The following CACNA1S variants were observed in gnomAD, a reference collection of about 807,000 sequenced individuals.
The protein encoded by CACNA1S is voltage-dependent L-type calcium channel subunit alpha-1S.
CACNA1S carries 126 observed loss-of-function variants against 207.4 expected under a neutral mutation model. The observed-to-expected ratio is 0.61, with a 90% confidence interval of 0.53 to 0.70. The LOEUF (loss-of-function observed/expected upper bound fraction) is 0.70. CACNA1S is among the 30% of genes least tolerant of loss of function. CACNA1S has a pLI of 0.00. For synonymous variants in CACNA1S, 960 were observed against 932.7 expected (o/e 1.03, Z -0.53); for missense variants, 2,349 against 2,422.8 (o/e 0.97, Z 0.64).
rs927493653 is a variant in CACNA1S, at chr1:201,039,552, G to T, written c.*279C>A. On this transcript the variant is annotated 3_prime_UTR_variant, in exon 44 of 44. Transcript: ENST00000362061. Reference sequence around the variant, plus strand: ...GCCTGGAGATTTTAATGTCCTGCAGGTGGGAGTGGCCCTAGGCCAGACAGG... The same window carrying T: ...GCCTGGAGATTTTAATGTCCTGCAGTTGGGAGTGGCCCTAGGCCAGACAGG... 1.8e-6 allele frequency: 1 copy of T among 541,562 alleles called. No individual in the cohort carries two copies. The highest frequency in any genetic ancestry group is 3.3e-6 in the Non-Finnish European group (1 of 300,386). The allele number at this position is 541,562 out of a possible 1,614,324, so 33.5% of individuals were successfully genotyped here.
chr1:201,066,805 C>A lies in CACNA1S; in HGVS notation c.2657+82G>T. 1.9e-6 allele frequency: 2 copies of A among 1,030,818 alleles called. No homozygotes were observed. Among genetic ancestry groups the A allele is most frequent in the Non-Finnish European group, 1.5e-6 (1 of 672,878 alleles). The allele number at this position is 1,030,818 out of a possible 1,614,324, so 63.9% of individuals were successfully genotyped here. ...TCCTCTTGTGGCAGGGGCCCACCAA[C>A]ATGGGTGGGACTCCCACTACAAAGC... On this transcript the variant is annotated intron_variant, in intron 20 of 43. Coordinates refer to ENST00000362061, the MANE Select transcript of CACNA1S (RefSeq NM_000069.3). This position sits in a 1 kb window ranked among gnomAD's most constrained non-coding sequence, Gnocchi z 4.3.
chr1:201,052,474 G>A, intron 32 of CACNA1S, 83 bp downstream of exon 32: 1 of 1,103,736 alleles, frequency 9.1e-7, no homozygotes, highest in Non-Finnish European at 1.4e-6. Flanking sequence ...CATGAAGCCA[G>A]CCCTGGCTCC....
At position 201,053,570 on chromosome 1, in the gene CACNA1S, G is replaced by A; in HGVS notation, c.3684C>T (p.Ala1228=). The A allele has an allele frequency of 2.5e-6, 4 of 1,613,902 alleles. No homozygotes were observed. Among genetic ancestry groups the A allele is most frequent in the Non-Finnish European group, 3.4e-6 (4 of 1,179,964 alleles). ...GCGNVDPDES[A]RISSAFFRLF... Reference sequence around the variant, plus strand: ...GGCGGAAGAAGGCGCTGGAGATGCGGGCACTCTCATCTGGGTCCTGCGGGG... The same window carrying A: ...GGCGGAAGAAGGCGCTGGAGATGCGAGCACTCTCATCTGGGTCCTGCGGGG... Residue 1228 remains alanine, a synonymous_variant, in exon 30 of 44, where the codon GCC becomes GCT. Transcript: ENST00000362061. The surrounding 1 kb of genome is among the most constrained non-coding windows in gnomAD (Gnocchi z 5.1).
intron 7 of CACNA1S, 33 bp from the exon 8 acceptor site, chr1:201,085,614 A>G (rs370901490): frequency 3.5e-5 from 56 of 1,612,602 alleles, no homozygotes; most frequent in Non-Finnish European, 2.0e-5. Flanking sequence ...GGAGAGGAGG[A>G]GAAGAGGGAA....
At position 201,080,429 on chromosome 1, in the gene CACNA1S, G is replaced by A. The variant is rs150320884; in HGVS notation, c.1394-2325C>T. ...CACATCATCTCCACATTTGGTCATT[G>A]ACAGTGTTTTGACAACGATTGGCAC... On this transcript the variant is annotated intron_variant, in intron 10 of 43. Transcript: ENST00000362061. Among the ~76,000 whole-genome samples, 225 of 152,210 alleles carry A rather than the reference G, an allele frequency of 1.5e-3. 1 individual carries two copies. Among genetic ancestry groups the A allele is most frequent in the African/African-American group, 5.3e-3 (221 of 41,526 alleles).
chr1:201,045,100 T>C (rs374751793), intron 38 of CACNA1S, among the ~76,000 whole-genome samples: 27 of 152,350 alleles, frequency 1.8e-4, no homozygotes, highest in Middle Eastern at 6.8e-3. Flanking sequence ...ATATGTCATA[T>C]ATATATAGTT....
chr1:201,085,241 T>A (rs1661996578), intron 8 of CACNA1S, among the ~76,000 whole-genome samples, 195 bp downstream of exon 8: 1 of 152,158 alleles, frequency 6.6e-6, no homozygotes, highest in East Asian at 1.9e-4. Flanking sequence ...GCTATGAGGA[T>A]GGGCAGCAAG....
At chr1:201,082,801 G>T (rs1386926343) in intron 10 of CACNA1S, among the ~76,000 whole-genome samples, 6 of 152,198 alleles carry the variant, frequency 3.9e-5, no homozygotes, top group Non-Finnish European at 7.4e-5. Flanking sequence ...TTTGAACTTG[G>T]GTGCTTAGAG....
chr1:201,076,796 T>C, intron 12 of CACNA1S, 124 bp downstream of exon 12: 1 of 886,580 alleles, frequency 1.1e-6, no homozygotes, highest in South Asian at 1.3e-5. Flanking sequence ...GAGAAGGACA[T>C]TGCACTCAAC....
intron 2 of CACNA1S, among the ~76,000 whole-genome samples, chr1:201,094,338 A>G (rs1352654293): frequency 1.3e-5 from 2 of 152,106 alleles, no homozygotes; most frequent in Non-Finnish European, 2.9e-5. Flanking sequence ...ACTTATCCTT[A>G]GCTTAAATAC....
In CACNA1S at chr1:201,070,389, T is replaced by C. The variant is rs766210994; in HGVS notation, c.2243A>G (p.Asp748Gly). 3 of 1,613,998 alleles carry C rather than the reference T, an allele frequency of 1.9e-6. No homozygotes were observed. In the South Asian group the frequency reaches 3.3e-5, roughly 18 times the overall value. The change falls in exon 17 of 44, where the codon GAT (aspartate) becomes GGT (glycine). Residue 748 changes from aspartate to glycine, a missense_variant. Transcript: ENST00000362061. ...GGGGCTCAGCGGGATCTCAGGCTCATCTTCCTCGTCATCCCCTGTGGGGAG... is the reference window on the plus strand; with the variant it reads ...GGGGCTCAGCGGGATCTCAGGCTCACCTTCCTCGTCATCCCCTGTGGGGAG... ...SADFPGDDEE[D>G]EPEIPLSPRP...
intron 2 of CACNA1S, among the ~76,000 whole-genome samples, chr1:201,106,818 C>T (rs1400022387): frequency 6.6e-6 from 1 of 152,212 alleles, no homozygotes; most frequent in African/African-American, 2.4e-5. Flanking sequence ...ACATCCGGCA[C>T]CCAAGGGTGT....
At chr1:201,077,536 C>T (rs767354628) in intron 11 of CACNA1S, among the ~76,000 whole-genome samples, 4 of 152,014 alleles carry the variant, frequency 2.6e-5, no homozygotes, top group Non-Finnish European at 4.4e-5. Context: ...AGTCTGTGTT[C>T]CTCCTTCTTT....
chr1:201,060,530 A>C (rs1486536191), intron 26 of CACNA1S, 128 bp downstream of exon 26: 1 of 963,644 alleles, frequency 1.0e-6, no homozygotes, highest in Non-Finnish European at 1.6e-6. Flanking sequence ...TCCATGTAGC[A>C]CCTCAGCACA....
intron 9 of CACNA1S, 106 bp from the exon 10 acceptor site, chr1:201,083,428 A>C (rs1452833725): frequency 1.8e-6 from 2 of 1,141,512 alleles, no homozygotes; most frequent in Non-Finnish European, 1.3e-6. Context: ...TGACCACCCC[A>C]CTTCCGCCAG....
chr1:201,065,089 G>A (rs993156366), intron 22 of CACNA1S, among the ~76,000 whole-genome samples: 9 of 152,214 alleles, frequency 5.9e-5, no homozygotes, highest in Non-Finnish European at 1.0e-4. Flanking sequence ...AAAGCCACGT[G>A]GGGTAGGGAG....
At position 201,110,156 on chromosome 1, in the gene CACNA1S, A is replaced by G. The variant is rs773720881; in HGVS notation, c.258+8T>C. On this transcript the variant is annotated splice_region_variant and intron_variant, in intron 2 of 43. Coordinates refer to ENST00000362061, the MANE Select transcript of CACNA1S (RefSeq NM_000069.3). Reference sequence around the variant, plus strand: ...TCGCAGGAAGGGAGATGGAAGGGCCAATCTTACCAGGCCGAGGTTCAGAGA... The same window carrying G: ...TCGCAGGAAGGGAGATGGAAGGGCCGATCTTACCAGGCCGAGGTTCAGAGA... The G allele has an allele frequency of 3.1e-5, 50 of 1,612,994 alleles. 1 individual carries two copies. In the South Asian group the frequency reaches 5.2e-4, roughly 17 times the overall value.
intron 34 of CACNA1S, 101 bp from the exon 35 acceptor site, chr1:201,049,200 G>A (rs1660572450): frequency 1.2e-6 from 1 of 801,162 alleles, no homozygotes; most frequent in Non-Finnish European, 2.1e-6. Context: ...CAGGAAACAG[G>A]GGAGCATTTC....
At chr1:201,070,517 C>A in intron 16 of CACNA1S, 113 bp from the exon 17 acceptor site, 1 of 1,446,550 alleles carries the variant, frequency 6.9e-7, no homozygotes, top group East Asian at 2.3e-5. Flanking sequence ...AAGGGACCAC[C>A]AGGCTGACTT....
Sources: gnomAD v4.1 joint callset for allele counts (sites outside exome capture counted in the v4.1 genomes callset) on GRCh38, gnomAD v4.1.1 for gene constraint, Gnocchi (gnomAD v3.1) non-coding constraint, MANE v1.5 for transcripts, NCBI Gene and HGNC (gene_info 2026-07-23, HGNC 2026-07-21) for gene names.